The following AGBL1 variants were observed in gnomAD, a reference collection of about 807,000 sequenced individuals.
The protein encoded by AGBL1 is cytosolic carboxypeptidase 4.
Under a neutral mutation model 118.9 loss-of-function variants are expected in AGBL1, and 130 were observed. That is an observed-to-expected ratio of 1.09 (90% CI 0.95 to 1.26). AGBL1 has a LOEUF of 1.26. Ranked by LOEUF, AGBL1 falls within the 50% of genes most tolerant of loss-of-function variation. The probability of loss-of-function intolerance (pLI) is 0.00; values close to 1 mark genes in which losing one functional copy is unlikely to be tolerated. For missense variants in AGBL1, 1,584 were observed against 1,298.1 expected (o/e 1.22, Z -3.38); for synonymous variants, 555 against 478.9 (o/e 1.16, Z -2.08).
chr15:86,404,820 C>T (rs1049284058), intron 18 of AGBL1, among the ~76,000 whole-genome samples: 1 of 152,154 alleles, frequency 6.6e-6, no homozygotes, highest in Non-Finnish European at 1.5e-5. Flanking sequence ...GCTGCTGGTA[C>T]CCATGAAGGC....
chr15:86,322,153 G>A (rs1024715122), intron 17 of AGBL1, among the ~76,000 whole-genome samples: 53 of 150,844 alleles, frequency 3.5e-4, no homozygotes, highest in African/African-American at 1.2e-3. Context: ...CTGTATAGCC[G>A]ATTTAGGTGA....
intron 22 of AGBL1, among the ~76,000 whole-genome samples, chr15:86,685,867 G>C (rs2086044601): frequency 1.3e-5 from 2 of 152,062 alleles, no homozygotes; most frequent in African/African-American, 4.8e-5. Flanking sequence ...GGAAAAATTA[G>C]TCCATAAAAT....
intron 21 of AGBL1, among the ~76,000 whole-genome samples, chr15:86,673,064 G>A (rs960443337): frequency 6.6e-6 from 1 of 152,092 alleles, no homozygotes; most frequent in African/African-American, 2.4e-5. Flanking sequence ...TTATTTGGAT[G>A]TGAAAATCTA....
At chr15:86,481,995 A>G (rs553038659) in intron 18 of AGBL1, among the ~76,000 whole-genome samples, 14 of 152,256 alleles carry the variant, frequency 9.2e-5, no homozygotes, top group Admixed American at 7.2e-4. Flanking sequence ...TAATGTATAG[A>G]TGCTGCCAGA....
At chr15:86,477,362 A>C (rs1295142030) in intron 18 of AGBL1, among the ~76,000 whole-genome samples, 2 of 152,230 alleles carry the variant, frequency 1.3e-5, no homozygotes, top group Non-Finnish European at 2.9e-5. Flanking sequence ...AAAAGAGAGA[A>C]GAATCAAATA....
intron 1 of AGBL1, among the ~76,000 whole-genome samples, chr15:86,101,404 G>GT (rs55650191): frequency 1.4e-4 from 21 of 149,810 alleles, no homozygotes; most frequent in Admixed American, 1.2e-3. Flanking sequence ...AAATCCAATG[G>GT]TTTTTTTTTT....
At chr15:86,374,186 G>T (rs181001575) in intron 17 of AGBL1, among the ~76,000 whole-genome samples, 2 of 152,158 alleles carry the variant, frequency 1.3e-5, no homozygotes, top group African/African-American at 4.8e-5. Flanking sequence ...ATTCTAATCC[G>T]CAGGTCTCTC....
chr15:86,854,511 A>G (rs577304502), intron 22 of AGBL1, among the ~76,000 whole-genome samples: 1 of 152,238 alleles, frequency 6.6e-6, no homozygotes, highest in Admixed American at 6.5e-5. Context: ...AAGGATTATG[A>G]TGTTCATCTA....
Position 86,570,173 on chromosome 15 carries a change from C to T in AGBL1, c.2994+15636C>T, listed in dbSNP as rs150583563. ...ATGAAGAGTTGTCATGGGGTATTCTCTCTGCATAAAATGGGGTGCACCCCA... is the reference window on the plus strand; with the variant it reads ...ATGAAGAGTTGTCATGGGGTATTCTTTCTGCATAAAATGGGGTGCACCCCA... On this transcript the variant is annotated intron_variant, in intron 21 of 22. Coordinates refer to ENST00000614907, the MANE Select transcript of AGBL1 (RefSeq NM_001386094.1). Among the ~76,000 whole-genome samples, 375 of 152,300 alleles carry T rather than the reference C, an allele frequency of 2.5e-3. 2 individuals carry two copies. Among genetic ancestry groups the T allele is most frequent in the Middle Eastern group, 6.8e-3 (2 of 294 alleles).
intron 22 of AGBL1, among the ~76,000 whole-genome samples, chr15:86,697,776 T>C (rs891181037): frequency 5.9e-5 from 9 of 151,952 alleles, no homozygotes; most frequent in African/African-American, 1.9e-4. Flanking sequence ...GCCCATGGGT[T>C]GTTCCTTTGA....
intron 17 of AGBL1, among the ~76,000 whole-genome samples, chr15:86,356,763 T>C (rs2080727680): frequency 6.6e-6 from 1 of 152,200 alleles, no homozygotes. Flanking sequence ...GAGGTATTCC[T>C]TTTGGTGATA....
chr15:86,738,722 C>T (rs2077636517), intron 22 of AGBL1, among the ~76,000 whole-genome samples: 1 of 152,158 alleles, frequency 6.6e-6, no homozygotes, highest in African/African-American at 2.4e-5. Context: ...ATACAAGAAA[C>T]ATAAATATCT....
At chr15:86,216,669 A>C (rs771911610) in intron 5 of AGBL1, among the ~76,000 whole-genome samples, 1 of 152,124 alleles carries the variant, frequency 6.6e-6, no homozygotes, top group Non-Finnish European at 1.5e-5. Context: ...TTTGCTCCAC[A>C]TGGCTTTCTA....
chr15:86,827,477 A>ACG (rs1455677602), intron 22 of AGBL1, among the ~76,000 whole-genome samples: 4,230 of 14,766 alleles, frequency 0.29, 1,488 homozygotes, highest in East Asian at 0.75. Flanking sequence ...ATACATATAT[A>ACG]TATATATGTG....
intron 24 of AGBL1, among the ~76,000 whole-genome samples, chr15:87,001,126 G>T (rs940644198): frequency 2.8e-5 from 4 of 141,406 alleles, no homozygotes; most frequent in Admixed American, 7.3e-5. Flanking sequence ...AGGAGATTTT[G>T]GGCTGAGACA....
intron 18 of AGBL1, among the ~76,000 whole-genome samples, chr15:86,447,661 G>A (rs1417128779): frequency 6.6e-6 from 1 of 152,122 alleles, no homozygotes; most frequent in East Asian, 1.9e-4. Context: ...AATAGGTAGG[G>A]AATCCAAAAT....
intron 23 of AGBL1, among the ~76,000 whole-genome samples, chr15:86,945,656 G>C (rs868396915): frequency 1.3e-5 from 2 of 152,166 alleles, no homozygotes; most frequent in Admixed American, 1.3e-4. Context: ...GTGGACAAGA[G>C]AGTGAGACCC....
At chr15:86,684,544 C>T (rs773477598) in intron 22 of AGBL1, among the ~76,000 whole-genome samples, 1 of 151,350 alleles carries the variant, frequency 6.6e-6, no homozygotes, top group Admixed American at 6.6e-5. Context: ...TGGTCTCAAA[C>T]TCCTGGGCTC....
chr15:86,656,805 C>G (rs1282853001), intron 21 of AGBL1, among the ~76,000 whole-genome samples: 1 of 152,074 alleles, frequency 6.6e-6, no homozygotes, highest in East Asian at 1.9e-4. Flanking sequence ...GCTCTTTTGC[C>G]TCCTTAGCTA....
Sources: allele counts gnomAD v4.1 joint callset (sites outside exome capture counted in the v4.1 genomes callset), GRCh38; gene constraint gnomAD v4.1.1; transcripts MANE v1.5; gene names NCBI Gene and HGNC (gene_info 2026-07-23, HGNC 2026-07-21).